The following PRKN variants were observed in gnomAD, a reference collection of about 807,000 sequenced individuals.
PRKN encodes E3 ubiquitin-protein ligase parkin.
PRKN carries 56 observed loss-of-function variants against 59.5 expected under a neutral mutation model. The ratio of observed to expected loss-of-function variants is 0.94; its 90% confidence interval spans 0.76 to 1.18. PRKN has a LOEUF of 1.18. Among genes scored for constraint, PRKN ranks in the 50% most tolerant of loss-of-function variants. PRKN has a pLI of 0.00. For synonymous variants in PRKN, 250 were observed against 222.1 expected (o/e 1.13, Z -1.12); for missense variants, 657 against 596.4 (o/e 1.10, Z -1.06).
At chr6:162,224,252 T>C (rs1778068146) in intron 3 of PRKN, among the ~76,000 whole-genome samples, 1 of 152,206 alleles carries the variant, frequency 6.6e-6, no homozygotes, top group Admixed American at 6.5e-5. Flanking sequence ...GGTAGTTTTA[T>C]AACATTACAA....
At chr6:161,819,863 C>T (rs555701897) in intron 6 of PRKN, among the ~76,000 whole-genome samples, 10 of 152,058 alleles carry the variant, frequency 6.6e-5, no homozygotes, top group Non-Finnish European at 1.5e-4. Flanking sequence ...AAATATTTTT[C>T]AAATAAAAAA....
chr6:161,894,631 C>T (rs888081081), intron 6 of PRKN, among the ~76,000 whole-genome samples: 2 of 152,178 alleles, frequency 1.3e-5, no homozygotes, highest in Non-Finnish European at 2.9e-5. Context: ...TTGCGATATA[C>T]TTATCTTTGA....
rs1182310568 is a variant in PRKN at position 162,443,305 on chromosome 6, C to T, written c.171+5G>A. ...TCCCAAGAACGGCCGCCAAGGGAGA[C>T]TCACCTGCACAGTCCAGTCATTCCT... On this transcript the variant is annotated splice_donor_5th_base_variant and intron_variant, in intron 2 of 11. Coordinates refer to ENST00000366898, the MANE Select transcript of PRKN (RefSeq NM_004562.3). 1 of 1,612,134 alleles carries T rather than the reference C, an allele frequency of 6.2e-7. No homozygotes were observed. The highest frequency in any genetic ancestry group is 1.3e-5 in the African/African-American group (1 of 74,858).
chr6:162,626,096 C>G (rs1057214612), intron 1 of PRKN, among the ~76,000 whole-genome samples: 1 of 152,138 alleles, frequency 6.6e-6, no homozygotes, highest in Admixed American at 6.5e-5. Flanking sequence ...CAAATCAGAA[C>G]CATTCCCCTG....
intron 1 of PRKN, among the ~76,000 whole-genome samples, chr6:162,471,457 G>A (rs1190369125): frequency 6.6e-6 from 1 of 152,158 alleles, no homozygotes; most frequent in East Asian, 1.9e-4. Flanking sequence ...TACAATAACT[G>A]CAGTAGACCT....
chr6:162,043,753 G>A (rs1784151682), intron 5 of PRKN, among the ~76,000 whole-genome samples: 1 of 152,168 alleles, frequency 6.6e-6, no homozygotes, highest in African/African-American at 2.4e-5. Flanking sequence ...CAGTTTTCTA[G>A]GAAGATTGAC....
chr6:161,986,690 T>G lies in PRKN; in HGVS notation c.619-13273A>C, dbSNP rs149677127. Among the ~76,000 whole-genome samples the G allele has an allele frequency of 4.9e-3, 740 of 152,054 alleles. 4 individuals carry two copies. The highest frequency in any genetic ancestry group is 0.016 in the African/African-American group (643 of 41,362). ...AGGTGCGACGAGAGCTTCTGTCACC[T>G]ACATATTCCTCCTAACATTTACTGC... On this transcript the variant is annotated intron_variant, in intron 5 of 11. Coordinates refer to ENST00000366898, the MANE Select transcript of PRKN (RefSeq NM_004562.3).
At chr6:161,908,306 G>A (rs1667164152) in intron 6 of PRKN, among the ~76,000 whole-genome samples, 1 of 152,266 alleles carries the variant, frequency 6.6e-6, no homozygotes, top group East Asian at 1.9e-4. Context: ...TCTTCCGGAT[G>A]GAAACAGGGC....
At position 161,547,213 on chromosome 6, in the gene PRKN, A is replaced by C. The variant is rs1779827376; in HGVS notation, c.1083+1641T>G. 6.6e-6 allele frequency among the ~76,000 whole-genome samples: 1 copy of C among 152,222 alleles called. No homozygotes were observed. Among genetic ancestry groups the C allele is most frequent in the Non-Finnish European group, 1.5e-5 (1 of 68,044 alleles). On this transcript the variant is annotated intron_variant, in intron 9 of 11. Coordinates refer to ENST00000366898, the MANE Select transcript of PRKN (RefSeq NM_004562.3). This position sits in a 1 kb window ranked among gnomAD's most constrained non-coding sequence, Gnocchi z 4.0. ...CCAACAAATCGAAACAAATTAAGAT[A>C]AATTAAGAATACGCTACCTACAATT...
intron 7 of PRKN, among the ~76,000 whole-genome samples, chr6:161,677,448 G>A (rs192110335): frequency 2.0e-4 from 30 of 152,262 alleles, no homozygotes; most frequent in South Asian, 1.5e-3. Context: ...CTTCTCCGTT[G>A]CCATGCAGCC....
intron 1 of PRKN, among the ~76,000 whole-genome samples, chr6:162,683,035 A>G (rs1779831101): frequency 6.6e-6 from 1 of 152,190 alleles, no homozygotes; most frequent in South Asian, 2.1e-4. Flanking sequence ...ACATTACAAT[A>G]ATTGTTATTT....
Position 161,393,373 on chromosome 6 carries a change from A to G in PRKN, c.1084-6496T>C, listed in dbSNP as rs886398327. On this transcript the variant is annotated intron_variant, in intron 9 of 11. Coordinates refer to ENST00000366898, the MANE Select transcript of PRKN (RefSeq NM_004562.3). This position sits in a 1 kb window ranked among gnomAD's most constrained non-coding sequence, Gnocchi z 4.7. ...AATGCCACACTTGTAAACTACTCAT[A>G]AGACATAAGACTGCTGTCTAGAAAG... 1.4e-4 allele frequency among the ~76,000 whole-genome samples: 21 copies of G among 152,232 alleles called. No individual in the cohort carries two copies. The highest frequency in any genetic ancestry group is 3.4e-3 in the Middle Eastern group (1 of 294).
At chr6:162,030,058 TAA>T (rs977067035) in intron 5 of PRKN, among the ~76,000 whole-genome samples, 4 of 152,170 alleles carry the variant, frequency 2.6e-5, no homozygotes, top group Admixed American at 6.5e-5. Flanking sequence ...TATGCTGTGC[TAA>T]AACACCTGGC....
At chr6:162,687,683 A>G (rs1488571069) in intron 1 of PRKN, among the ~76,000 whole-genome samples, 1 of 152,222 alleles carries the variant, frequency 6.6e-6, no homozygotes, top group African/African-American at 2.4e-5. Flanking sequence ...CTGAAAAATT[A>G]TAACAATTTG....
chr6:162,436,947 C>G (rs964428988), intron 2 of PRKN, among the ~76,000 whole-genome samples: 5 of 151,942 alleles, frequency 3.3e-5, no homozygotes, highest in Non-Finnish European at 7.4e-5. Flanking sequence ...CAAAAATGAG[C>G]CAGGCGTGGT....
At chr6:161,601,228 A>T (rs1782093507) in intron 7 of PRKN, among the ~76,000 whole-genome samples, 1 of 152,190 alleles carries the variant, frequency 6.6e-6, no homozygotes, top group Non-Finnish European at 1.5e-5. Context: ...GACAAAAAAA[A>T]TTTATTTCTC....
Position 161,566,322 on chromosome 6 carries a change from A to G in PRKN, c.933+3033T>C, listed in dbSNP as rs1279860291. ...TTGTCCTTCTTGCTGAGCATAGGAC[A>G]CAGATCATGATTCCTCCTCCTAAAG... is the stretch of plus-strand genomic sequence containing the variant. On this transcript the variant is annotated intron_variant, in intron 8 of 11. Transcript: ENST00000366898. This position sits in a 1 kb window ranked among gnomAD's most constrained non-coding sequence, Gnocchi z 4.1. Among the ~76,000 whole-genome samples the G allele has an allele frequency of 6.6e-6, 1 of 152,178 alleles. No individual in the cohort carries two copies. The highest frequency in any genetic ancestry group is 1.5e-5 in the Non-Finnish European group (1 of 68,028).
intron 6 of PRKN, among the ~76,000 whole-genome samples, chr6:161,853,828 G>T (rs576288428): frequency 2.0e-5 from 3 of 152,278 alleles, no homozygotes; most frequent in African/African-American, 7.2e-5. Context: ...CCAGCTCTAA[G>T]AATTTCCCAC....
At chr6:162,595,515 CA>C (rs1781467412) in intron 1 of PRKN, among the ~76,000 whole-genome samples, 1 of 152,106 alleles carries the variant, frequency 6.6e-6, no homozygotes, top group Admixed American at 6.5e-5. Flanking sequence ...CGCAGCCTCC[CA>C]AAGTGCTGGG....
Sources: gnomAD v4.1 joint callset for allele counts (sites outside exome capture counted in the v4.1 genomes callset) on GRCh38, gnomAD v4.1.1 for gene constraint, Gnocchi (gnomAD v3.1) non-coding constraint, MANE v1.5 for transcripts, NCBI Gene and HGNC (gene_info 2026-07-23, HGNC 2026-07-21) for gene names.